PCSK6: variants seen among roughly 807,000 people sequenced by gnomAD.
PCSK6 encodes the protein paired basic amino acid cleaving enzyme 4.
A neutral mutation model predicts 123.3 loss-of-function variants in PCSK6; 85 were observed. The ratio of observed to expected loss-of-function variants is 0.69; its 90% CI spans 0.58 to 0.83. PCSK6 has a LOEUF of 0.83. Among genes scored for constraint, PCSK6 ranks in the 40% least tolerant of loss-of-function variants. PCSK6 has a pLI of 0.00. For synonymous variants in PCSK6, 508 were observed against 516.0 expected (o/e 0.98, Z 0.21); for missense variants, 1,191 against 1,282.3 (o/e 0.93, Z 1.09).
chr15:101,344,978 G>A (rs2040696953), intron 13 of PCSK6, among the ~76,000 whole-genome samples: 1 of 152,120 alleles, frequency 6.6e-6, no homozygotes, highest in Non-Finnish European at 1.5e-5. Context: ...CTCTCAAGGG[G>A]AGCAACGAGT....
chr15:101,401,476 C>T (rs1038397301), intron 6 of PCSK6, among the ~76,000 whole-genome samples: 1 of 152,198 alleles, frequency 6.6e-6, no homozygotes, highest in African/African-American at 2.4e-5. Context: ...ACTTAGATGC[C>T]TCGACGCCTG....
chr15:101,429,249 C>T (rs909605839), intron 5 of PCSK6, among the ~76,000 whole-genome samples: 23 of 152,226 alleles, frequency 1.5e-4, no homozygotes, highest in African/African-American at 4.8e-4. Context: ...AAAGAGACAG[C>T]AAATGAATTC....
chr15:101,329,904 C>A (rs1408838456), intron 15 of PCSK6, among the ~76,000 whole-genome samples: 1 of 152,226 alleles, frequency 6.6e-6, no homozygotes, highest in Non-Finnish European at 1.5e-5. Context: ...TATCTGCCAG[C>A]TCCCTAAGCC....
chr15:101,366,000 T>C (rs8029952), intron 13 of PCSK6, 196 bp downstream of exon 13: 189,243 of 518,408 alleles, frequency 0.37, 38,072 homozygotes, highest in East Asian at 0.59. Flanking sequence ...GACGTTTACA[T>C]GACATCGTGG....
At position 101,304,988 on chromosome 15, in the gene PCSK6, C is replaced by G. The variant is rs1424466594; in HGVS notation, c.*270G>C. ...CCCAGAAGCTGCTCCAAAGCCAGAG[C>G]TGTGGATTCCCAGAATTCATTTTGT... On this transcript the variant is annotated 3_prime_UTR_variant, in exon 22 of 22. Transcript: ENST00000611716. 1 of 451,306 alleles carries G rather than the reference C, an allele frequency of 2.2e-6. No homozygotes were observed. Among genetic ancestry groups the G allele is most frequent in the African/African-American group, 2.0e-5 (1 of 50,768 alleles). 28.0% of individuals were successfully genotyped at this position (451,306 alleles called of 1,614,324 possible). A position where few individuals can be genotyped will look rare whatever the true frequency, so the allele number is the denominator to read the frequency against.
At chr15:101,454,917 C>A (rs780164546) in intron 1 of PCSK6, among the ~76,000 whole-genome samples, 20 of 151,794 alleles carry the variant, frequency 1.3e-4, no homozygotes, top group Non-Finnish European at 2.4e-4. Context: ...TGCAGTCCAG[C>A]CTGGGCAACA....
intron 13 of PCSK6, among the ~76,000 whole-genome samples, chr15:101,350,605 C>CG (rs1294685558): frequency 6.6e-6 from 1 of 152,120 alleles, no homozygotes; most frequent in South Asian, 2.1e-4. Context: ...GCAATTAGAC[C>CG]GGGGGGCCTC....
At chr15:101,432,214 T>C (rs568304177) in intron 2 of PCSK6, 114 bp from the exon 3 acceptor site, 58 of 835,574 alleles carry the variant, frequency 6.9e-5, no homozygotes, top group Non-Finnish European at 1.1e-4. Flanking sequence ...TCATAGCAGA[T>C]ATTTTAGATG....
chr15:101,455,624 T>G (rs2057159093), intron 1 of PCSK6, among the ~76,000 whole-genome samples: 1 of 152,224 alleles, frequency 6.6e-6, no homozygotes. Context: ...TGTGACAGCT[T>G]GCCCTGCTGA....
intron 6 of PCSK6, among the ~76,000 whole-genome samples, chr15:101,425,979 T>C (rs2056242694): frequency 6.6e-6 from 1 of 152,092 alleles, no homozygotes; most frequent in Non-Finnish European, 1.5e-5. Context: ...TCCCCTGCGA[T>C]CTTGTTATAA....
Position 101,370,457 on chromosome 15 carries a change from G to A in PCSK6, c.1599C>T (p.Asp533=), listed in dbSNP as rs371741274. 1.9e-6 allele frequency: 3 copies of A among 1,550,836 alleles called. No homozygotes were observed. The Admixed American group carries it at 5.9e-5, about 30-fold the overall frequency. The change falls in exon 12 of 22, where the codon GAC becomes GAT. Residue 533 remains aspartate, a synonymous_variant. Transcript: ENST00000611716. ...CGTGCTCCAAGTAGACCACCCGCTG[G>A]TCCGAGTGCTCCGCGCAGGCGCTGG... The part of the protein sequence containing the change: ...ALTSACAEHS[D]QRVVYLEHVV...
At chr15:101,362,353 G>C (rs1301393968) in intron 13 of PCSK6, among the ~76,000 whole-genome samples, 3 of 152,260 alleles carry the variant, frequency 2.0e-5, no homozygotes, top group African/African-American at 7.2e-5. Flanking sequence ...ATGCCCAGAA[G>C]CAGGAGGCTG....
At chr15:101,439,620 TTC>T (rs1161162509) in intron 2 of PCSK6, among the ~76,000 whole-genome samples, 2 of 152,234 alleles carry the variant, frequency 1.3e-5, no homozygotes, top group African/African-American at 2.4e-5. Flanking sequence ...GTCAGGAACT[TTC>T]TGTTTGTTTG....
chr15:101,363,567 T>C (rs2041297334), intron 13 of PCSK6, among the ~76,000 whole-genome samples: 1 of 152,250 alleles, frequency 6.6e-6, no homozygotes, highest in South Asian at 2.1e-4. Context: ...GCTTCCACTA[T>C]TAAAATGTGT....
Position 101,489,479 on chromosome 15 carries a change from G to A in PCSK6, c.192C>T (p.Pro64=). The A allele has an allele frequency of 9.2e-7, 1 of 1,092,830 alleles. No homozygotes were observed. Among genetic ancestry groups the A allele is most frequent in the Non-Finnish European group, 1.1e-6 (1 of 899,636 alleles). 67.7% of individuals were successfully genotyped at this position (1,092,830 alleles called of 1,614,324 possible). A position where few individuals can be genotyped will look rare whatever the true frequency, so the allele number is the denominator to read the frequency against. ...LLALPAACSA[P]PPRPVYTNHW... ...GGTTGGTGTAGACGGGGCGCGGCGG[G>A]GGCGCGGAGCAGGCGGCAGGCAGCG... Residue 64 remains proline, a synonymous_variant, in exon 1 of 22, where the codon CCC becomes CCT. Transcript: ENST00000611716.
chr15:101,443,528 C>T, intron 2 of PCSK6, 28 bp downstream of exon 2: 1 of 1,524,522 alleles, frequency 6.6e-7, no homozygotes, highest in Non-Finnish European at 9.1e-7. Context: ...CCCTCCAGCC[C>T]TTAGGAAAGC....
chr15:101,489,485 G>T lies in PCSK6; in HGVS notation c.186C>A (p.Ser62=). Residue 62 remains serine (S), a synonymous_variant, in exon 1 of 22, where the codon TCC becomes TCA. Coordinates refer to ENST00000611716, the MANE Select transcript of PCSK6 (RefSeq NM_002570.5). ...LLLLALPAAC[S]APPPRPVYTN... is the part of the protein sequence containing the mutation. The stretch of plus-strand genomic sequence containing the variant: ...TGTAGACGGGGCGCGGCGGGGGCGC[G>T]GAGCAGGCGGCAGGCAGCGCCAGCA... 9.3e-7 allele frequency: 1 copy of T among 1,078,390 alleles called. No homozygotes were observed. The highest frequency in any genetic ancestry group is 3.7e-5 in the South Asian group (1 of 26,994). The allele number at this position is 1,078,390 out of a possible 1,614,324, so 66.8% of individuals were successfully genotyped here.
intron 2 of PCSK6, among the ~76,000 whole-genome samples, chr15:101,443,338 A>C (rs1256460182): frequency 1.3e-5 from 2 of 152,116 alleles, no homozygotes; most frequent in Non-Finnish European, 2.9e-5. Context: ...ATCTCCTGTG[A>C]GTATTGTGTT....
At chr15:101,376,670 C>T (rs915278786) in intron 11 of PCSK6, among the ~76,000 whole-genome samples, 2 of 152,160 alleles carry the variant, frequency 1.3e-5, no homozygotes, top group African/African-American at 4.8e-5. Flanking sequence ...GTAGCCTTTA[C>T]AATTTGGGGA....
Sources: gnomAD v4.1 joint callset for allele counts (sites outside exome capture counted in the v4.1 genomes callset) on GRCh38, gnomAD v4.1.1 for gene constraint, MANE v1.5 for transcripts, NCBI Gene and HGNC (gene_info 2026-07-23, HGNC 2026-07-21) for gene names.